ELMO1: variants seen among roughly 807,000 people sequenced by gnomAD.
ELMO1 encodes the protein engulfment and cell motility protein 1.
Under a neutral mutation model 98.9 loss-of-function variants are expected in ELMO1, and 26 were observed. The observed-to-expected ratio is 0.26, with a 90% CI of 0.19 to 0.36. The LOEUF (loss-of-function observed/expected upper bound fraction) is 0.36, where lower values mean the gene tolerates loss of function less well. Ranked by LOEUF, ELMO1 falls within the 10% of genes least tolerant of loss-of-function variation. ELMO1 has a pLI of 1.00. For synonymous variants in ELMO1, 346 were observed against 346.0 expected, an observed-to-expected ratio of 1.00 and a Z score of 0.00; for missense variants, 627 against 935.2, an observed-to-expected ratio of 0.67 and a Z score of 4.30.
intron 14 of ELMO1, among the ~76,000 whole-genome samples, chr7:37,119,464 C>A (rs77332997): frequency 6.6e-6 from 1 of 152,188 alleles, no homozygotes; most frequent in African/African-American, 2.4e-5. Context: ...CTGTCCCAAC[C>A]ATTAGTTAGG....
chr7:37,321,022 C>G (rs1333049054), intron 2 of ELMO1, among the ~76,000 whole-genome samples: 1 of 152,164 alleles, frequency 6.6e-6, no homozygotes, highest in Non-Finnish European at 1.5e-5. Flanking sequence ...TGAACACCAG[C>G]TGGTAAAGAA....
At chr7:37,376,063 CAAAAAAACTTT>C (rs1435854626) in intron 1 of ELMO1, 2 of 359,388 alleles carry the variant, frequency 5.6e-6, no homozygotes, top group Non-Finnish European at 1.1e-5. Flanking sequence ...AACTTACAGC[CAAAAAAACTTT>C]AAAAAAATGA....
chr7:36,965,693 C>T (rs1046933031), intron 16 of ELMO1, among the ~76,000 whole-genome samples: 1 of 152,088 alleles, frequency 6.6e-6, no homozygotes, highest in African/African-American at 2.4e-5. Context: ...TATAAAAAAC[C>T]TAATCCCAAT....
rs377660735 is a variant in ELMO1, at chr7:37,144,812, G to GTC, written c.1087-11580_1087-11579dup. Among the ~76,000 whole-genome samples the GTC allele has an allele frequency of 7.9e-5, 12 of 152,268 alleles. No individual in the cohort carries two copies. The East Asian group carries it at 2.3e-3, about 29-fold the overall frequency. ...ACCCAAGGCGCTGTTTGGGTATCTAGTCTGAGTATCTAGTTCCTGGAAATC... is the reference window on the plus strand; with the variant it reads ...ACCCAAGGCGCTGTTTGGGTATCTAGTCTCTGAGTATCTAGTTCCTGGAAATC... On this transcript the variant is annotated intron_variant, in intron 13 of 21. Coordinates refer to ENST00000310758, the MANE Select transcript of ELMO1 (RefSeq NM_014800.11).
chr7:37,291,254 T>C (rs1797666127), intron 4 of ELMO1, among the ~76,000 whole-genome samples: 3 of 152,206 alleles, frequency 2.0e-5, no homozygotes, highest in Non-Finnish European at 4.4e-5. Flanking sequence ...CAAAACTTTC[T>C]AACTTTTGAA....
chr7:37,251,780 TAAG>T, intron 6 of ELMO1, among the ~76,000 whole-genome samples: 1 of 152,234 alleles, frequency 6.6e-6, no homozygotes, highest in Admixed American at 6.5e-5. Flanking sequence ...AGGAAGACAG[TAAG>T]TCAAATTGTC....
At chr7:36,906,276 G>T in intron 16 of ELMO1, among the ~76,000 whole-genome samples, 1 of 152,194 alleles carries the variant, frequency 6.6e-6, no homozygotes, top group East Asian at 1.9e-4. Context: ...TACTCGTCAA[G>T]ATTCTGTGAT....
intron 4 of ELMO1, among the ~76,000 whole-genome samples, chr7:37,294,994 C>T (rs773138719): frequency 1.7e-4 from 20 of 119,424 alleles, no homozygotes; most frequent in Non-Finnish European, 1.8e-4. Context: ...AACAAAACTC[C>T]GCCTCAAAAA....
chr7:37,123,920 A>G (rs1020430321), intron 14 of ELMO1, among the ~76,000 whole-genome samples: 14 of 152,252 alleles, frequency 9.2e-5, no homozygotes, highest in African/African-American at 3.4e-4. Context: ...CCAGCAGCAC[A>G]TCAAAAAACT....
intron 2 of ELMO1, among the ~76,000 whole-genome samples, chr7:37,326,995 T>C (rs774890892): frequency 7.2e-5 from 11 of 152,374 alleles, no homozygotes; most frequent in Non-Finnish European, 4.4e-5. Flanking sequence ...TAGTGAATAT[T>C]GTTACATATC....
intron 1 of ELMO1, among the ~76,000 whole-genome samples, chr7:37,436,758 G>A (rs1352299314): frequency 6.6e-6 from 1 of 152,204 alleles, no homozygotes; most frequent in Non-Finnish European, 1.5e-5. Flanking sequence ...ATGGAAGCAG[G>A]TGGCTTCCAC....
chr7:37,163,426 C>T (rs1219072484), intron 13 of ELMO1, among the ~76,000 whole-genome samples: 1 of 151,816 alleles, frequency 6.6e-6, no homozygotes, highest in African/African-American at 2.4e-5. Context: ...ATGTGCCATG[C>T]TGGTGTGCTG....
At chr7:37,418,977 G>T (rs551272452) in intron 1 of ELMO1, among the ~76,000 whole-genome samples, 2 of 152,162 alleles carry the variant, frequency 1.3e-5, no homozygotes, top group East Asian at 3.9e-4. Context: ...CAGCGTGATT[G>T]AGATCTCTCC....
chr7:37,336,680 T>A (rs778625181), intron 2 of ELMO1, among the ~76,000 whole-genome samples: 5 of 151,802 alleles, frequency 3.3e-5, no homozygotes, highest in Admixed American at 1.3e-4. Flanking sequence ...TTCAAGAAGA[T>A]GAGAATGGGC....
In ELMO1 at chr7:37,225,343, TTTCAACAC is replaced by T. The variant is rs774163267; in HGVS notation, c.550-321_550-314del. Among the ~76,000 whole-genome samples, 721 of 152,292 alleles carry T rather than the reference TTTCAACAC, an allele frequency of 4.7e-3. 4 individuals carry two copies. Among genetic ancestry groups the T allele is most frequent in the Non-Finnish European group, 7.6e-3 (519 of 68,014 alleles). On this transcript the variant is annotated intron_variant, in intron 8 of 21. Transcript: ENST00000310758. Reference sequence around the variant, plus strand: ...AGTTTCATCTTTTAGGGGCAGACAATTTCAACACATATATTGTAAGGATACCTGTGTTT... The same window carrying T: ...AGTTTCATCTTTTAGGGGCAGACAATATATATTGTAAGGATACCTGTGTTT...
chr7:37,058,564 G>A (rs1437618201), intron 15 of ELMO1, among the ~76,000 whole-genome samples: 1 of 152,126 alleles, frequency 6.6e-6, no homozygotes, highest in Non-Finnish European at 1.5e-5. Flanking sequence ...CTGACTGGAG[G>A]TACTGACGCG....
intron 16 of ELMO1, among the ~76,000 whole-genome samples, chr7:36,967,124 T>C (rs1258344429): frequency 6.6e-6 from 1 of 152,234 alleles, no homozygotes; most frequent in East Asian, 1.9e-4. Flanking sequence ...TTTTTAGAAA[T>C]GTATATTTAG....
intron 13 of ELMO1, among the ~76,000 whole-genome samples, chr7:37,179,038 C>A (rs1002208578): frequency 2.0e-5 from 3 of 152,130 alleles, no homozygotes; most frequent in African/African-American, 7.2e-5. Flanking sequence ...GATAAATATA[C>A]TTTGTGTAAG....
chr7:37,257,776 C>T (rs558597577), intron 6 of ELMO1, among the ~76,000 whole-genome samples: 5 of 149,138 alleles, frequency 3.4e-5, no homozygotes, highest in South Asian at 4.2e-4. Flanking sequence ...CCGAGGTGGG[C>T]GGATCACGAG....
Sources: gnomAD v4.1 joint callset for allele counts (sites outside exome capture counted in the v4.1 genomes callset) on GRCh38, gnomAD v4.1.1 for gene constraint, MANE v1.5 for transcripts, NCBI Gene and HGNC (gene_info 2026-07-23, HGNC 2026-07-21) for gene names.